PRKN: variants seen among roughly 807,000 people sequenced by gnomAD.
PRKN encodes the protein parkin RBR E3 ubiquitin protein ligase.
Under a neutral mutation model 59.5 loss-of-function variants are expected in PRKN, and 56 were observed. The observed-to-expected ratio is 0.94, with a 90% CI of 0.76 to 1.18. The LOEUF (loss-of-function observed/expected upper bound fraction) is 1.18, where lower values mean the gene tolerates loss of function less well. Ranked by LOEUF, PRKN falls within the 50% of genes most tolerant of loss-of-function variation. The pLI is 0.00. For synonymous variants in PRKN, 250 were observed against 222.1 expected (o/e 1.13, Z -1.12); for missense variants, 657 against 596.4 (o/e 1.10, Z -1.06).
chr6:161,937,615 T>A (rs746000494), intron 6 of PRKN, among the ~76,000 whole-genome samples: 1 of 152,246 alleles, frequency 6.6e-6, no homozygotes, highest in Non-Finnish European at 1.5e-5. Context: ...CTGAGAATGC[T>A]TAGACAACTT....
At chr6:161,768,204 G>A (rs912933451) in intron 7 of PRKN, among the ~76,000 whole-genome samples, 3 of 152,120 alleles carry the variant, frequency 2.0e-5, no homozygotes, top group African/African-American at 7.2e-5. Flanking sequence ...AGTCCTTCAA[G>A]ACAGGGTTGA....
chr6:162,253,279 A>AAATCCAATCT lies in PRKN; in HGVS notation c.412+9245_412+9246insAGATTGGATT, dbSNP rs1554291294. On this transcript the variant is annotated intron_variant, in intron 3 of 11. Transcript: ENST00000366898. ...AGGCATGCTGGTGACAACAGGCAAC[A>AAATCCAATCT]AATCTAATCTAATCTAATCTAATCT... 9.4e-5 allele frequency among the ~76,000 whole-genome samples: 14 copies of AAATCCAATCT among 149,528 alleles called. No homozygotes were observed. In the East Asian group the frequency reaches 2.8e-3, roughly 30 times the overall value.
intron 6 of PRKN, among the ~76,000 whole-genome samples, chr6:161,966,445 T>C (rs761105666): frequency 6.6e-6 from 1 of 152,216 alleles, no homozygotes; most frequent in Non-Finnish European, 1.5e-5. Context: ...AAGACACACA[T>C]GCTGGCTAGG....
At chr6:162,403,967 A>G (rs1787932459) in intron 2 of PRKN, among the ~76,000 whole-genome samples, 1 of 152,126 alleles carries the variant, frequency 6.6e-6, no homozygotes, top group South Asian at 2.1e-4. Context: ...ATGGCATTAA[A>G]CCGAACCATT....
intron 9 of PRKN, among the ~76,000 whole-genome samples, chr6:161,406,904 C>G (rs1316164709): frequency 6.6e-6 from 1 of 152,126 alleles, no homozygotes; most frequent in South Asian, 2.1e-4. Context: ...GCAGACAGAA[C>G]TGAAGAGGAG....
rs1292348462 is a variant in PRKN at position 161,470,102 on chromosome 6, G to A, written c.1083+78752C>T. On this transcript the variant is annotated intron_variant, in intron 9 of 11. Coordinates refer to ENST00000366898, the MANE Select transcript of PRKN (RefSeq NM_004562.3). This position sits in a 1 kb window ranked among gnomAD's most constrained non-coding sequence, Gnocchi z 5.1. ...TAATAGAAGAGGAAAGTGAGCCACAGAGAAGTTAATTTGCTCAAAATTGCA... is the reference window on the plus strand; with the variant it reads ...TAATAGAAGAGGAAAGTGAGCCACAAAGAAGTTAATTTGCTCAAAATTGCA... Among the ~76,000 whole-genome samples, 2 of 152,194 alleles carry A rather than the reference G, an allele frequency of 1.3e-5. No individual in the cohort carries two copies. The highest frequency in any genetic ancestry group is 2.1e-4 in the South Asian group (1 of 4,824).
chr6:161,760,928 C>T (rs977551269), intron 7 of PRKN, among the ~76,000 whole-genome samples: 1 of 152,186 alleles, frequency 6.6e-6, no homozygotes, highest in Admixed American at 6.5e-5. Context: ...GCACATATTT[C>T]AATACAATGC....
intron 1 of PRKN, among the ~76,000 whole-genome samples, chr6:162,686,139 G>C (rs192715158): frequency 6.6e-6 from 1 of 152,230 alleles, no homozygotes; most frequent in Admixed American, 6.5e-5. Context: ...ATGGTGACAT[G>C]ATTTTTCTCT....
chr6:161,663,668 T>C (rs932950518), intron 7 of PRKN, among the ~76,000 whole-genome samples: 4 of 152,232 alleles, frequency 2.6e-5, no homozygotes, highest in South Asian at 2.1e-4. Context: ...GGTTAATGTA[T>C]TTAACAACTT....
At position 161,400,951 on chromosome 6, in the gene PRKN, C is replaced by T. The variant is rs1355012254; in HGVS notation, c.1084-14074G>A. ...CAAATCTTGGACCAGGGACAGATAG[C>T]GTCCAGGCCATTACTCAAGGGGAAG... On this transcript the variant is annotated intron_variant, in intron 9 of 11. Coordinates refer to ENST00000366898, the MANE Select transcript of PRKN (RefSeq NM_004562.3). The surrounding 1 kb of genome is among the most constrained non-coding windows in gnomAD (Gnocchi z 4.2). Among the ~76,000 whole-genome samples, 2 of 152,150 alleles carry T rather than the reference C, an allele frequency of 1.3e-5. No homozygotes were observed. The highest frequency in any genetic ancestry group is 2.9e-5 in the Non-Finnish European group (2 of 68,016).
At chr6:162,305,548 G>A (rs1782182759) in intron 2 of PRKN, among the ~76,000 whole-genome samples, 1 of 151,828 alleles carries the variant, frequency 6.6e-6, no homozygotes, top group African/African-American at 2.4e-5. Flanking sequence ...TTAGACCATG[G>A]GTCCAAAAAG....
At chr6:162,184,583 C>T (rs941561706) in intron 4 of PRKN, among the ~76,000 whole-genome samples, 1 of 152,160 alleles carries the variant, frequency 6.6e-6, no homozygotes, top group Non-Finnish European at 1.5e-5. Flanking sequence ...GTTGCTTCCC[C>T]TTCCACCATG....
intron 7 of PRKN, among the ~76,000 whole-genome samples, chr6:161,703,839 C>CTCTTT (rs1786363902): frequency 3.3e-5 from 2 of 59,836 alleles, no homozygotes; most frequent in African/African-American, 6.0e-5. Flanking sequence ...CTCTCTCTCT[C>CTCTTT]TTTTTTTTTT....
At chr6:162,468,410 T>G (rs1791542233) in intron 1 of PRKN, among the ~76,000 whole-genome samples, 1 of 152,240 alleles carries the variant, frequency 6.6e-6, no homozygotes, top group African/African-American at 2.4e-5. Flanking sequence ...GATTGACATT[T>G]ACTCAGTGTC....
rs181960873 is a variant in PRKN at position 161,955,877 on chromosome 6, T to G, written c.734+17425A>C. Among the ~76,000 whole-genome samples, 303 of 152,086 alleles carry G rather than the reference T, an allele frequency of 2.0e-3. 4 individuals are homozygous for G. The highest frequency in any genetic ancestry group is 1.8e-3 in the Non-Finnish European group (124 of 67,966). ...AAAAATAAAAATAAATAAATAAAAT[T>G]TCCTTGGACAGATGATATCTGGGAT... On this transcript the variant is annotated intron_variant, in intron 6 of 11. Coordinates refer to ENST00000366898, the MANE Select transcript of PRKN (RefSeq NM_004562.3).
chr6:162,302,392 T>C (rs1291042033), intron 2 of PRKN, among the ~76,000 whole-genome samples: 1 of 152,116 alleles, frequency 6.6e-6, no homozygotes. Context: ...CTAATCAAGT[T>C]ACCCCTTAAA....
In PRKN at chr6:161,399,135, G is replaced by A. The variant is rs1277245544; in HGVS notation, c.1084-12258C>T. On this transcript the variant is annotated intron_variant, in intron 9 of 11. Coordinates refer to ENST00000366898, the MANE Select transcript of PRKN (RefSeq NM_004562.3). The surrounding 1 kb of genome is among the most constrained non-coding windows in gnomAD (Gnocchi z 4.4). ...TTAGAGAGGAGATTGGCTGCTGGACGGCCCAACTCCAGGGGAAGATCATCT... is the reference window on the plus strand; with the variant it reads ...TTAGAGAGGAGATTGGCTGCTGGACAGCCCAACTCCAGGGGAAGATCATCT... Among the ~76,000 whole-genome samples the A allele has an allele frequency of 6.6e-6, 1 of 152,056 alleles. No individual in the cohort carries two copies. The highest frequency in any genetic ancestry group is 2.4e-5 in the African/African-American group (1 of 41,402).
At chr6:162,648,507 G>A (rs1359814049) in intron 1 of PRKN, among the ~76,000 whole-genome samples, 2 of 151,466 alleles carry the variant, frequency 1.3e-5, no homozygotes, top group Admixed American at 6.6e-5. Context: ...TCAGCCTCCC[G>A]AGTAGCTGGG....
At chr6:161,380,661 C>T (rs894345732) in intron 10 of PRKN, among the ~76,000 whole-genome samples, 1 of 152,050 alleles carries the variant, frequency 6.6e-6, no homozygotes, top group Middle Eastern at 3.2e-3. Context: ...ATAAGAAATT[C>T]ACAGTTGAAA....
Sources: gnomAD v4.1 joint callset for allele counts (sites outside exome capture counted in the v4.1 genomes callset) on GRCh38, gnomAD v4.1.1 for gene constraint, Gnocchi (gnomAD v3.1) non-coding constraint, MANE v1.5 for transcripts, NCBI Gene and HGNC (gene_info 2026-07-23, HGNC 2026-07-21) for gene names.